Variants in SLCO4A1 observed in about 807,000 individuals in gnomAD.
SLCO4A1 encodes solute carrier organic anion transporter family member 4A1, also known as colon organic anion transporter.
A neutral mutation model predicts 64.6 loss-of-function variants in SLCO4A1; 51 were observed. The ratio of observed to expected loss-of-function variants is 0.79; its 90% confidence interval spans 0.63 to 1.00. SLCO4A1 has a LOEUF of 1.00. Among genes scored for constraint, SLCO4A1 ranks in the 50% least tolerant of loss-of-function variants. The probability of loss-of-function intolerance (pLI) is 0.00; values close to 1 mark genes in which losing one functional copy is unlikely to be tolerated. For synonymous variants in SLCO4A1, 471 were observed against 444.9 expected (o/e 1.06, Z -0.74); for missense variants, 919 against 980.5 (o/e 0.94, Z 0.84).
intron 1 of SLCO4A1, among the ~76,000 whole-genome samples, chr20:62,654,058 A>G (rs1016686979): frequency 2.6e-5 from 4 of 152,162 alleles, no homozygotes; most frequent in Admixed American, 2.0e-4. Flanking sequence ...AAAATAGTTT[A>G]TTCCCACCAG....
At chr20:62,647,453 T>C (rs1422373588) in intron 1 of SLCO4A1, among the ~76,000 whole-genome samples, 1 of 152,172 alleles carries the variant, frequency 6.6e-6, no homozygotes, top group African/African-American at 2.4e-5. Context: ...TGGTCCTGCC[T>C]GGCCTCCAAA....
chr20:62,658,887 C>A, intron 3 of SLCO4A1, 120 bp downstream of exon 3: 1 of 847,170 alleles, frequency 1.2e-6, no homozygotes, highest in Non-Finnish European at 1.9e-6. Flanking sequence ...GCTGGGCACC[C>A]CCCGGGCTGG....
chr20:62,668,416 G>A (rs1227265108), intron 9 of SLCO4A1, 61 bp from the exon 10 acceptor site: 1 of 1,555,730 alleles, frequency 6.4e-7, no homozygotes, highest in Non-Finnish European at 8.9e-7. Context: ...ACTGGCCTAG[G>A]GGGTGACTTG....
Position 62,670,796 on chromosome 20 carries a change from G to A in SLCO4A1, c.2026-954G>A, listed in dbSNP as rs117564980. ...CGCATGCGTCCATGTTAATTGTAGC[G>A]GGGGAGCACACGGTGTCTCCTTATA... On this transcript the variant is annotated intron_variant, in intron 11 of 11. Transcript: ENST00000217159. 7.9e-3 allele frequency among the ~76,000 whole-genome samples: 1,211 copies of A among 152,336 alleles called. 11 individuals carry two copies. The highest frequency in any genetic ancestry group is 0.013 in the Non-Finnish European group (871 of 68,024).
At chr20:62,643,554 G>A (rs1469733947) in intron 1 of SLCO4A1, among the ~76,000 whole-genome samples, 1 of 152,246 alleles carries the variant, frequency 6.6e-6, no homozygotes, top group Non-Finnish European at 1.5e-5. Context: ...GTCTGGAGGC[G>A]GCTGGAACGC....
intron 2 of SLCO4A1, among the ~76,000 whole-genome samples, chr20:62,684,399 A>G (rs1218189918): frequency 5.9e-5 from 9 of 152,228 alleles, no homozygotes; most frequent in Non-Finnish European, 1.0e-4. Context: ...ACCGAGGCAC[A>G]AGGAGCTGAT....
At chr20:62,682,769 C>G (rs765746116) in intron 2 of SLCO4A1, among the ~76,000 whole-genome samples, 3 of 152,220 alleles carry the variant, frequency 2.0e-5, no homozygotes, top group Non-Finnish European at 4.4e-5. Flanking sequence ...GTCGTCTGAA[C>G]TTGTGTGGAT....
At position 62,661,041 on chromosome 20, in the gene SLCO4A1, C is replaced by CCCCCCCCCCCCCCACACA; in HGVS notation, c.1010-23_1010-22insCCCCCCCCCCCCCACACA. ...TCCGGGAGCCCCCAGCCCCCAGCCC[C>CCCCCCCCCCCCCCACACA]AGCTCACTCTGTGCCCTTCCAGGCT... is the stretch of plus-strand genomic sequence containing the variant. On this transcript the variant is annotated intron_variant, in intron 4 of 11. Transcript: ENST00000217159. This position sits in a 1 kb window ranked among gnomAD's most constrained non-coding sequence, Gnocchi z 5.2. 2 of 1,424,134 alleles carry CCCCCCCCCCCCCCACACA rather than the reference C, an allele frequency of 1.4e-6. No homozygotes were observed. The highest frequency in any genetic ancestry group is 2.0e-6 in the Non-Finnish European group (2 of 1,010,136). The allele number at this position is 1,424,134 out of a possible 1,614,324, so 88.2% of individuals were successfully genotyped here. A position where few individuals can be genotyped will look rare whatever the true frequency, so the allele number is the denominator to read the frequency against.
chr20:62,681,644 G>T (rs116921950), intron 2 of SLCO4A1, among the ~76,000 whole-genome samples: 1 of 152,342 alleles, frequency 6.6e-6, no homozygotes, highest in Non-Finnish European at 1.5e-5. Context: ...GAATATCCAT[G>T]TACGGGCTTT....
rs369728228 is a variant in SLCO4A1, at chr20:62,669,039, C to T, written c.1986C>T (p.Ala662=). The T allele has an allele frequency of 4.3e-6, 7 of 1,611,384 alleles. No individual in the cohort carries two copies. The African/African-American group carries it at 8.0e-5, about 18-fold the overall frequency. The change falls in exon 11 of 12, where the codon GCC becomes GCT. Residue 662 remains alanine, a synonymous_variant. Transcript: ENST00000217159. ...CCTGCTTGGTGTACCAGAATTCGGC[C>T]ATGAGCCGCTACATACTCATCATGG... ...QGSCLVYQNS[A]MSRYILIMGL...
chr20:62,655,285 GC>G (rs1983448227), intron 1 of SLCO4A1, among the ~76,000 whole-genome samples: 1 of 135,902 alleles, frequency 7.4e-6, no homozygotes, highest in Non-Finnish European at 1.6e-5. Flanking sequence ...TATCACAGCA[GC>G]CCCGGGAAGG....
downstream of SLCO4A1, among the ~76,000 whole-genome samples, chr20:62,687,473 T>C (rs1988104746): frequency 1.3e-5 from 2 of 152,220 alleles, no homozygotes; most frequent in Non-Finnish European, 2.9e-5. Flanking sequence ...CCGGGCGGGA[T>C]GCAGAGACAC....
chr20:62,672,059 G>T lies in SLCO4A1; in HGVS notation c.*166G>T, dbSNP rs1388175547. On this transcript the variant is annotated 3_prime_UTR_variant, in exon 12 of 12. Coordinates refer to ENST00000217159, the MANE Select transcript of SLCO4A1 (RefSeq NM_016354.4). ...GACCTCCTGTCCCCAGAGCTGTACGGCCCTGCAGTGGGTGGGAGGAACTTG... is the reference window on the plus strand; with the variant it reads ...GACCTCCTGTCCCCAGAGCTGTACGTCCCTGCAGTGGGTGGGAGGAACTTG... The T allele has an allele frequency of 6.6e-7, 1 of 1,511,498 alleles. No homozygotes were observed. The highest frequency in any genetic ancestry group is 8.8e-7 in the Non-Finnish European group (1 of 1,131,430). The allele number at this position is 1,511,498 out of a possible 1,614,324, so 93.6% of individuals were successfully genotyped here.
At chr20:62,678,319 C>A (rs370676579) in intron 2 of SLCO4A1, among the ~76,000 whole-genome samples, 1 of 152,298 alleles carries the variant, frequency 6.6e-6, no homozygotes, top group South Asian at 2.1e-4. Flanking sequence ...AAGCTGTTGA[C>A]AATGCCAAGT....
downstream of SLCO4A1, among the ~76,000 whole-genome samples, chr20:62,688,290 C>G (rs557059167): frequency 2.3e-4 from 35 of 152,246 alleles, no homozygotes; most frequent in Non-Finnish European, 4.4e-4. Context: ...CTGCCCGCGG[C>G]CCCCCACGAG....
In SLCO4A1 at chr20:62,672,047, C is replaced by T. The variant is rs1342112727; in HGVS notation, c.*154C>T. The T allele has an allele frequency of 6.5e-7, 1 of 1,541,236 alleles. No homozygotes were observed. The highest frequency in any genetic ancestry group is 1.4e-5 in the African/African-American group (1 of 73,628). On this transcript the variant is annotated 3_prime_UTR_variant, in exon 12 of 12. Transcript: ENST00000217159. The stretch of plus-strand genomic sequence containing the variant: ...AAAGTCGGCTGTGACCTCCTGTCCC[C>T]AGAGCTGTACGGCCCTGCAGTGGGT...
chr20:62,662,716 A>T (rs1419677554), intron 5 of SLCO4A1, among the ~76,000 whole-genome samples: 1 of 151,390 alleles, frequency 6.6e-6, no homozygotes, highest in African/African-American at 2.4e-5. Flanking sequence ...CCAGGGAGGG[A>T]CTCCCCCAGG....
intron 3 of SLCO4A1, among the ~76,000 whole-genome samples, chr20:62,659,195 A>G (rs1378531247): frequency 2.0e-5 from 3 of 152,146 alleles, no homozygotes; most frequent in African/African-American, 4.8e-5. Context: ...AGACAGACCA[A>G]TTCACAGAGA....
At position 62,656,843 on chromosome 20, in the gene SLCO4A1, C is replaced by T; in HGVS notation, c.389C>T (p.Ser130Phe). 1 of 1,609,430 alleles carries T rather than the reference C, an allele frequency of 6.2e-7. No homozygotes were observed. The highest frequency in any genetic ancestry group is 1.1e-5 in the South Asian group (1 of 90,738). ...VNGFINTVIT[S>F]LERRYDLHSY... ...GGCTTCATCAACACAGTCATCACCT[C>T]CCTGGAGCGCCGCTATGACCTGCAC... is the stretch of plus-strand genomic sequence containing the variant. Residue 130 changes from serine to phenylalanine, a missense_variant, in exon 2 of 12, where the codon TCC becomes TTC. By Grantham distance (155) the Ser-to-Phe change is radical. Coordinates refer to ENST00000217159, the MANE Select transcript of SLCO4A1 (RefSeq NM_016354.4).
Sources: allele counts gnomAD v4.1 joint callset (sites outside exome capture counted in the v4.1 genomes callset), GRCh38; gene constraint gnomAD v4.1.1; non-coding constraint Gnocchi (gnomAD v3.1); transcripts MANE v1.5; gene names NCBI Gene and HGNC (gene_info 2026-07-23, HGNC 2026-07-21).